The following CCDC85A variants were observed in gnomAD, a reference collection of about 807,000 sequenced individuals.
CCDC85A encodes the protein coiled-coil domain-containing protein 85A.
CCDC85A carries 38 observed loss-of-function variants against 50.2 expected under a neutral mutation model. The ratio of observed to expected loss-of-function variants is 0.76; its 90% CI spans 0.58 to 0.99. CCDC85A has a LOEUF of 0.99. CCDC85A is among the 50% of genes least tolerant of loss of function. The probability of loss-of-function intolerance (pLI) is 0.00; values close to 1 mark genes in which losing one functional copy is unlikely to be tolerated. For synonymous variants in CCDC85A, 366 were observed against 301.4 expected (o/e 1.21, Z -2.22); for missense variants, 820 against 742.0 (o/e 1.11, Z -1.22).
At chr2:56,261,694 A>G (rs180894456) in intron 2 of CCDC85A, among the ~76,000 whole-genome samples, 1 of 152,356 alleles carries the variant, frequency 6.6e-6, no homozygotes, top group African/African-American at 2.4e-5. Flanking sequence ...GTTTGGAAAG[A>G]AGAAACAATG....
At chr2:56,366,378 G>A (rs1166201517) in intron 3 of CCDC85A, among the ~76,000 whole-genome samples, 1 of 152,134 alleles carries the variant, frequency 6.6e-6, no homozygotes, top group Non-Finnish European at 1.5e-5. Flanking sequence ...CACCAGCAGT[G>A]TGCAAGGGTT....
At chr2:56,195,220 C>G (rs1015955468) in intron 2 of CCDC85A, among the ~76,000 whole-genome samples, 3 of 152,216 alleles carry the variant, frequency 2.0e-5, no homozygotes, top group Non-Finnish European at 1.5e-5. Context: ...GATTTGACTT[C>G]TAAGAAAAGT....
intron 2 of CCDC85A, among the ~76,000 whole-genome samples, chr2:56,232,226 C>T: frequency 6.6e-6 from 1 of 152,116 alleles, no homozygotes; most frequent in East Asian, 1.9e-4. Flanking sequence ...TACTAGGATA[C>T]CTAATTGGCA....
At chr2:56,230,159 C>T (rs1022006020) in intron 2 of CCDC85A, among the ~76,000 whole-genome samples, 6 of 152,116 alleles carry the variant, frequency 3.9e-5, no homozygotes, top group Admixed American at 2.6e-4. Flanking sequence ...GTTTTACTTG[C>T]GTTTTCTGTG....
rs1185883929 is a variant in CCDC85A at position 56,184,153 on chromosome 2, T to C, written c.-472T>C. 1.3e-5 allele frequency: 13 copies of C among 985,346 alleles called. No individual in the cohort carries two copies. Among genetic ancestry groups the C allele is most frequent in the Non-Finnish European group, 1.6e-5 (13 of 830,274 alleles). 61.0% of individuals were successfully genotyped at this position (985,346 alleles called of 1,614,324 possible). ...GCGGTGCCCGGCGCGCCCTCCAAGC[T>C]AGGAGAGGGGAGAAGCCGGGGGCTG... On this transcript the variant is annotated 5_prime_UTR_variant, in exon 1 of 6. Transcript: ENST00000407595.
At chr2:56,221,597 CAA>C (rs796959553) in intron 2 of CCDC85A, among the ~76,000 whole-genome samples, 6 of 152,004 alleles carry the variant, frequency 3.9e-5, no homozygotes, top group African/African-American at 1.4e-4. Context: ...AATTGTAACA[CAA>C]GAGTTATTTT....
chr2:56,288,428 A>G (rs981274994), intron 2 of CCDC85A, among the ~76,000 whole-genome samples: 2 of 152,164 alleles, frequency 1.3e-5, no homozygotes, highest in African/African-American at 4.8e-5. Flanking sequence ...ATAAATACAA[A>G]CTAGTTTAAT....
chr2:56,340,825 G>A (rs1393986513), intron 2 of CCDC85A, among the ~76,000 whole-genome samples: 2 of 140,888 alleles, frequency 1.4e-5, no homozygotes, highest in East Asian at 4.3e-4. Context: ...GTGGTGAGCC[G>A]AGATCGCGCC....
intron 2 of CCDC85A, among the ~76,000 whole-genome samples, chr2:56,250,119 G>A (rs1304232248): frequency 6.6e-6 from 1 of 152,198 alleles, no homozygotes. Flanking sequence ...GTTATTGTGA[G>A]AGTGAAGGGC....
At chr2:56,369,248 G>C (rs1436829710) in intron 3 of CCDC85A, among the ~76,000 whole-genome samples, 1 of 152,002 alleles carries the variant, frequency 6.6e-6, no homozygotes, top group Non-Finnish European at 1.5e-5. Flanking sequence ...TACATATATA[G>C]CTCATTGTGA....
chr2:56,371,196 C>G (rs1012800400), intron 3 of CCDC85A, among the ~76,000 whole-genome samples: 2 of 152,080 alleles, frequency 1.3e-5, no homozygotes, highest in Non-Finnish European at 2.9e-5. Flanking sequence ...GTATGTGTGA[C>G]TTATTTTTAT....
intron 1 of CCDC85A, 42 bp downstream of exon 1, chr2:56,184,942 C>T (rs1288262705): frequency 9.7e-6 from 14 of 1,444,492 alleles, no homozygotes; most frequent in Non-Finnish European, 1.0e-5. Flanking sequence ...CGGCTGGGAG[C>T]GGGGTGCCCC....
At chr2:56,379,404 C>T (rs1008693895) in intron 5 of CCDC85A, among the ~76,000 whole-genome samples, 2 of 152,152 alleles carry the variant, frequency 1.3e-5, no homozygotes, top group Non-Finnish European at 1.5e-5. Flanking sequence ...GTCATCATTA[C>T]AGTGGAGCAA....
intron 2 of CCDC85A, among the ~76,000 whole-genome samples, chr2:56,263,218 G>C (rs980833907): frequency 2.0e-5 from 3 of 152,154 alleles, no homozygotes; most frequent in Non-Finnish European, 4.4e-5. Context: ...TAGCCCTGAT[G>C]CATAAGGGGA....
intron 2 of CCDC85A, among the ~76,000 whole-genome samples, chr2:56,198,301 T>C (rs570318186): frequency 1.3e-5 from 2 of 152,230 alleles, no homozygotes; most frequent in Admixed American, 6.5e-5. Context: ...CAATAGAAAT[T>C]GAATGTCTCC....
intron 2 of CCDC85A, among the ~76,000 whole-genome samples, chr2:56,251,610 A>G (rs1219869115): frequency 6.7e-6 from 1 of 149,386 alleles, no homozygotes; most frequent in African/African-American, 2.5e-5. Context: ...TCCTTCCTTC[A>G]TTGCTGTCTC....
At chr2:56,315,397 T>C (rs1251604462) in intron 2 of CCDC85A, among the ~76,000 whole-genome samples, 2 of 152,176 alleles carry the variant, frequency 1.3e-5, no homozygotes, top group African/African-American at 4.8e-5. Context: ...GTGACTTTTT[T>C]AGTGGTTGAA....
At chr2:56,185,292 G>A (rs545069935) in intron 1 of CCDC85A, among the ~76,000 whole-genome samples, 11 of 152,218 alleles carry the variant, frequency 7.2e-5, no homozygotes, top group African/African-American at 9.6e-5. Context: ...CGCCTTGGAG[G>A]GTCGGGAATG....
intron 2 of CCDC85A, among the ~76,000 whole-genome samples, chr2:56,291,503 G>A (rs1314953631): frequency 6.6e-6 from 1 of 152,176 alleles, no homozygotes; most frequent in Admixed American, 6.5e-5. Flanking sequence ...ATTGGAAAAG[G>A]CCTCCCTGAG....
Sources: allele counts gnomAD v4.1 joint callset (sites outside exome capture counted in the v4.1 genomes callset), GRCh38; gene constraint gnomAD v4.1.1; transcripts MANE v1.5; gene names NCBI Gene and HGNC (gene_info 2026-07-23, HGNC 2026-07-21).